The following MAML2 variants were observed in gnomAD, a reference collection of about 807,000 sequenced individuals.
The protein encoded by MAML2 is mastermind like transcriptional coactivator 2.
In MAML2, 22 loss-of-function variants were observed where a neutral mutation model predicts 96.1. The observed-to-expected ratio is 0.23, with a 90% CI of 0.16 to 0.33. The LOEUF (loss-of-function observed/expected upper bound fraction) is 0.33. Among genes scored for constraint, MAML2 ranks in the 10% least tolerant of loss-of-function variants. The pLI is 1.00. For synonymous variants in MAML2, 561 were observed against 521.3 expected, an observed-to-expected ratio of 1.08 and a Z score of -1.04; for missense variants, 1,367 against 1,392.4, an observed-to-expected ratio of 0.98 and a Z score of 0.29.
intron 1 of MAML2, among the ~76,000 whole-genome samples, chr11:96,202,496 T>C (rs1003483102): frequency 6.6e-6 from 1 of 152,190 alleles, no homozygotes; most frequent in Non-Finnish European, 1.5e-5. Flanking sequence ...TTCAATATAA[T>C]TCTTCAAAGC....
At chr11:95,991,481 C>A (rs778083927) in intron 3 of MAML2, 39 bp downstream of exon 3, 1 of 1,588,220 alleles carries the variant, frequency 6.3e-7, no homozygotes, top group South Asian at 1.1e-5. Context: ...TCTGTTGGGT[C>A]AACAGGTTTG....
intron 1 of MAML2, among the ~76,000 whole-genome samples, chr11:96,109,596 C>G (rs1318294104): frequency 6.6e-6 from 1 of 152,048 alleles, no homozygotes; most frequent in Non-Finnish European, 1.5e-5. Flanking sequence ...GGAAGTGTAA[C>G]AGAGAGAGAG....
At chr11:96,123,085 A>G (rs17236006) in intron 1 of MAML2, among the ~76,000 whole-genome samples, 27,107 of 152,136 alleles carry the variant, frequency 0.18, 2,518 homozygotes, top group South Asian at 0.22. Context: ...TCAAGGAAGG[A>G]GATCTAAGAT....
intron 1 of MAML2, among the ~76,000 whole-genome samples, chr11:96,276,762 C>G (rs1862993306): frequency 6.7e-6 from 1 of 150,146 alleles, no homozygotes; most frequent in Admixed American, 6.6e-5. Context: ...GTGGTTAGCT[C>G]CCCATTTTCA....
intron 2 of MAML2, among the ~76,000 whole-genome samples, chr11:96,087,433 A>G (rs906808060): frequency 6.6e-6 from 1 of 152,220 alleles, no homozygotes; most frequent in Non-Finnish European, 1.5e-5. Flanking sequence ...CTGGCCTCCC[A>G]CAGACAACCC....
chr11:96,034,895 T>A (rs1858687579), intron 2 of MAML2, among the ~76,000 whole-genome samples: 1 of 152,166 alleles, frequency 6.6e-6, no homozygotes, highest in South Asian at 2.1e-4. Context: ...ATTGTAACCA[T>A]ATGGTTTTCA....
chr11:96,015,635 A>AAAATGTGT (rs1172704132), intron 2 of MAML2, among the ~76,000 whole-genome samples: 1 of 150,070 alleles, frequency 6.7e-6, no homozygotes, highest in Non-Finnish European at 1.5e-5. Context: ...CATGTGTACC[A>AAAATGTGT]AAATGTGTAG....
At position 95,979,189 on chromosome 11, in the gene MAML2, T is replaced by G. The variant is rs1404132695; in HGVS notation, c.3230A>C (p.Asn1077Thr). 6.8e-6 allele frequency: 11 copies of G among 1,614,020 alleles called. No individual in the cohort carries two copies. Among genetic ancestry groups the G allele is most frequent in the Non-Finnish European group, 8.5e-6 (10 of 1,179,896 alleles). ...TGLNQSRTGINQPPSLTPSNF... is the reference protein window; with the variant it reads ...TGLNQSRTGITQPPSLTPSNF... The stretch of plus-strand genomic sequence containing the variant: ...GCTGGGCGTCAGGGATGGTGGCTGG[T>G]TGATGCCCGTCCTCGACTGATTCAA... Residue 1077 changes from asparagine (N) to threonine (T), a missense_variant, in exon 5 of 5, where the codon AAC becomes ACC. Coordinates refer to ENST00000524717, the MANE Select transcript of MAML2 (RefSeq NM_032427.4).
chr11:96,279,467 A>G (rs1000694148), intron 1 of MAML2, among the ~76,000 whole-genome samples: 2 of 152,152 alleles, frequency 1.3e-5, no homozygotes, highest in African/African-American at 4.8e-5. Flanking sequence ...CAAAGGAAGT[A>G]TTTTATGTCT....
At chr11:96,048,703 T>C (rs571098143) in intron 2 of MAML2, among the ~76,000 whole-genome samples, 1 of 152,324 alleles carries the variant, frequency 6.6e-6, no homozygotes, top group East Asian at 1.9e-4. Context: ...TCTTTTTTTT[T>C]CCTTCTCTTA....
intron 1 of MAML2, among the ~76,000 whole-genome samples, chr11:96,246,663 T>C (rs1418643970): frequency 6.6e-6 from 1 of 152,162 alleles, no homozygotes; most frequent in Non-Finnish European, 1.5e-5. Context: ...GAGTCAAATG[T>C]CTGAATTATT....
chr11:96,055,712 T>C (rs925103796), intron 2 of MAML2, among the ~76,000 whole-genome samples: 11 of 152,172 alleles, frequency 7.2e-5, no homozygotes, highest in African/African-American at 2.7e-4. Flanking sequence ...AAACAGCCCA[T>C]GTAACCAAGC....
At position 96,194,856 on chromosome 11, in the gene MAML2, T is replaced by C. The variant is rs529547556; in HGVS notation, c.514-101339A>G. Among the ~76,000 whole-genome samples, 6 of 149,928 alleles carry C rather than the reference T, an allele frequency of 4.0e-5. No individual in the cohort carries two copies. The South Asian group carries it at 1.2e-3, about 31-fold the overall frequency. ...CTCCCTGCCCCTCAACCTCTCCAGC[T>C]TCTCTGACATTTAAAGGAACACTGT... On this transcript the variant is annotated intron_variant, in intron 1 of 4. Coordinates refer to ENST00000524717, the MANE Select transcript of MAML2 (RefSeq NM_032427.4).
intron 1 of MAML2, among the ~76,000 whole-genome samples, chr11:96,334,363 C>T (rs1428544178): frequency 6.6e-6 from 1 of 152,164 alleles, no homozygotes; most frequent in African/African-American, 2.4e-5. Flanking sequence ...ATTTAATCAA[C>T]AGCTCTAAGA....
chr11:96,287,739 A>G (rs1377345194), intron 1 of MAML2, among the ~76,000 whole-genome samples: 1 of 152,240 alleles, frequency 6.6e-6, no homozygotes, highest in African/African-American at 2.4e-5. Flanking sequence ...ATTAAGTGAA[A>G]GAATCAAGCA....
chr11:96,138,625 G>A (rs534621654), intron 1 of MAML2, among the ~76,000 whole-genome samples: 2 of 152,130 alleles, frequency 1.3e-5, no homozygotes, highest in East Asian at 3.9e-4. Context: ...AGAAAGATGG[G>A]GGGGTTGGTG....
chr11:96,203,127 A>G (rs1861849511), intron 1 of MAML2, among the ~76,000 whole-genome samples: 1 of 152,234 alleles, frequency 6.6e-6, no homozygotes, highest in Non-Finnish European at 1.5e-5. Context: ...CCATATATTC[A>G]TTTAATCAAC....
intron 2 of MAML2, among the ~76,000 whole-genome samples, chr11:96,084,724 G>A (rs2135802362): frequency 6.6e-6 from 1 of 152,322 alleles, no homozygotes; most frequent in African/African-American, 2.4e-5. Flanking sequence ...AAGACTCAGA[G>A]TCACACAGTA....
chr11:96,092,119 C>T lies in MAML2; in HGVS notation c.1912G>A (p.Ala638Thr), dbSNP rs1423050620. The T allele has an allele frequency of 6.5e-7, 1 of 1,535,478 alleles. No homozygotes were observed. The highest frequency in any genetic ancestry group is 2.0e-5 in the Admixed American group (1 of 49,548). ...QQQQQQSSISAQQQQQQQQQQ... is the reference protein window; with the variant it reads ...QQQQQQSSISTQQQQQQQQQQ... ...TGTTGCTGCTGCTGCTGCTGTTGGG[C>T]TGAAATTGAGCTCTGCTGCTGTTGC... Residue 638 changes from alanine to threonine, a missense_variant, in exon 2 of 5, where the codon GCC becomes ACC. Physicochemically the swap from Ala to Thr is moderately conservative, Grantham distance 58 (BLOSUM62 0). Coordinates refer to ENST00000524717, the MANE Select transcript of MAML2 (RefSeq NM_032427.4). This position sits in a 1 kb window ranked among gnomAD's most constrained non-coding sequence, Gnocchi z 4.1.
Sources: gnomAD v4.1 joint callset for allele counts (sites outside exome capture counted in the v4.1 genomes callset) on GRCh38, gnomAD v4.1.1 for gene constraint, Gnocchi (gnomAD v3.1) non-coding constraint, MANE v1.5 for transcripts, NCBI Gene and HGNC (gene_info 2026-07-23, HGNC 2026-07-21) for gene names.